The following THEMIS variants were observed in gnomAD, a reference collection of about 807,000 sequenced individuals.
THEMIS encodes thymocyte selection associated.
Under a neutral mutation model 52.6 loss-of-function variants are expected in THEMIS, and 37 were observed. The ratio of observed to expected loss-of-function variants is 0.70; its 90% CI spans 0.54 to 0.93. THEMIS has a LOEUF of 0.93. Among genes scored for constraint, THEMIS ranks in the 40% least tolerant of loss-of-function variants. The probability of loss-of-function intolerance (pLI) is 0.00; values close to 1 mark genes in which losing one functional copy is unlikely to be tolerated. For synonymous variants in THEMIS, 292 were observed against 272.7 expected (o/e 1.07, Z -0.70); for missense variants, 808 against 763.1 (o/e 1.06, Z -0.69).
intron 1 of THEMIS, among the ~76,000 whole-genome samples, chr6:127,870,494 C>T (rs972484691): frequency 1.3e-5 from 2 of 151,970 alleles, no homozygotes; most frequent in Admixed American, 6.6e-5. Context: ...GTAAGCTTTG[C>T]CATATCAATA....
At chr6:127,704,539 A>G (rs552467884), downstream of THEMIS, among the ~76,000 whole-genome samples, 1 of 152,342 alleles carries the variant, frequency 6.6e-6, no homozygotes, top group South Asian at 2.1e-4. Context: ...ATATTTGAAA[A>G]GCTGCTGCCA....
At chr6:127,756,766 T>TA (rs1775840136) in intron 4 of THEMIS, among the ~76,000 whole-genome samples, 1 of 152,224 alleles carries the variant, frequency 6.6e-6, no homozygotes, top group African/African-American at 2.4e-5. Context: ...AAAATGCAAC[T>TA]AGTTTGCCAG....
intron 4 of THEMIS, among the ~76,000 whole-genome samples, chr6:127,772,665 T>C (rs769226247): frequency 1.2e-4 from 18 of 152,128 alleles, no homozygotes; most frequent in Non-Finnish European, 2.2e-4. Flanking sequence ...TGCCAAAGAC[T>C]ACACACTCAA....
At chr6:127,893,684 A>C (rs1300467918) in intron 1 of THEMIS, among the ~76,000 whole-genome samples, 1 of 152,090 alleles carries the variant, frequency 6.6e-6, no homozygotes, top group Admixed American at 6.6e-5. Context: ...TATTCAATCC[A>C]ATACTACAGA....
intron 2 of THEMIS, among the ~76,000 whole-genome samples, chr6:127,831,744 C>T (rs950287024): frequency 6.6e-6 from 1 of 152,122 alleles, no homozygotes; most frequent in African/African-American, 2.4e-5. Context: ...CAAATGCAAC[C>T]TATCCTAAAA....
intron 1 of THEMIS, among the ~76,000 whole-genome samples, chr6:127,898,212 G>A (rs1443227762): frequency 6.6e-6 from 1 of 151,650 alleles, no homozygotes; most frequent in African/African-American, 2.4e-5. Flanking sequence ...CTGTGAAAAT[G>A]ATCAAGGTAT....
At chr6:127,863,689 T>C (rs1779881510) in intron 1 of THEMIS, among the ~76,000 whole-genome samples, 1 of 152,040 alleles carries the variant, frequency 6.6e-6, no homozygotes, top group Non-Finnish European at 1.5e-5. Context: ...ATCCTTGGAG[T>C]TGTGGAACAT....
chr6:127,719,699 G>A lies in THEMIS; in HGVS notation c.1883C>T (p.Thr628Ile), dbSNP rs369312245. 2 of 1,611,180 alleles carry A rather than the reference G, an allele frequency of 1.2e-6. No individual in the cohort carries two copies. Among genetic ancestry groups the A allele is most frequent in the African/African-American group, 2.7e-5 (2 of 74,650 alleles). Residue 628 changes from threonine to isoleucine, a missense_variant, in exon 5 of 6, where the codon ACA becomes ATA. Transcript: ENST00000368248. ...EEKERSNRGA[T>I]AIAETFKNEK... ...AGTCACATCAGTACCTGCTATTGCT[G>A]TGGCCCCACGGTTGCTCCTTTCTTT...
chr6:127,716,904 T>G (rs962617246), intron 5 of THEMIS, among the ~76,000 whole-genome samples: 16 of 151,828 alleles, frequency 1.1e-4, no homozygotes, highest in Non-Finnish European at 2.2e-4. Flanking sequence ...GAGGAATCAG[T>G]GACATCATCA....
At chr6:127,716,937 A>C (rs1187647803) in intron 5 of THEMIS, among the ~76,000 whole-genome samples, 1 of 151,886 alleles carries the variant, frequency 6.6e-6, no homozygotes, top group Non-Finnish European at 1.5e-5. Flanking sequence ...CACCCCCTCC[A>C]TGTTCATAGC....
At chr6:127,835,781 A>T (rs554340575) in intron 2 of THEMIS, among the ~76,000 whole-genome samples, 49 of 152,282 alleles carry the variant, frequency 3.2e-4, no homozygotes, top group African/African-American at 1.1e-3. Flanking sequence ...CACAGATTTC[A>T]CCAGCATGTT....
At chr6:127,754,396 C>T (rs1775750323) in intron 4 of THEMIS, among the ~76,000 whole-genome samples, 1 of 152,150 alleles carries the variant, frequency 6.6e-6, no homozygotes, top group African/African-American at 2.4e-5. Context: ...ACTCAGGCTG[C>T]TGTGGCCTGA....
chr6:127,721,644 C>G (rs1012722169), intron 4 of THEMIS, among the ~76,000 whole-genome samples: 5 of 152,014 alleles, frequency 3.3e-5, no homozygotes, highest in African/African-American at 1.2e-4. Flanking sequence ...AGCTCCTCCA[C>G]AGTCCACAAA....
chr6:127,801,765 C>T (rs1188439132), intron 4 of THEMIS, among the ~76,000 whole-genome samples: 1 of 152,146 alleles, frequency 6.6e-6, no homozygotes, highest in African/African-American at 2.4e-5. Flanking sequence ...GCTCAGGAGC[C>T]ACCCCCAACA....
intron 2 of THEMIS, among the ~76,000 whole-genome samples, chr6:127,852,055 G>A (rs753157981): frequency 6.6e-6 from 1 of 151,540 alleles, no homozygotes; most frequent in Non-Finnish European, 1.5e-5. Flanking sequence ...AAAGATGAGA[G>A]ACCTTGCAAA....
At chr6:127,820,281 A>G (rs1410685025) in intron 3 of THEMIS, among the ~76,000 whole-genome samples, 1 of 152,128 alleles carries the variant, frequency 6.6e-6, no homozygotes, top group Non-Finnish European at 1.5e-5. Flanking sequence ...AAGACATTTT[A>G]TGAAAGGCAT....
chr6:127,900,497 T>G (rs918997261), intron 1 of THEMIS, among the ~76,000 whole-genome samples: 2 of 152,044 alleles, frequency 1.3e-5, no homozygotes, highest in African/African-American at 2.4e-5. Context: ...AATTTTATTT[T>G]TTATATTGTG....
intron 2 of THEMIS, among the ~76,000 whole-genome samples, chr6:127,849,568 A>G (rs1486569573): frequency 2.0e-5 from 3 of 152,024 alleles, no homozygotes; most frequent in East Asian, 3.9e-4. Flanking sequence ...GGAACAGAAT[A>G]CAGAACCCAA....
Position 127,900,999 on chromosome 6 carries a change from T to G in THEMIS, c.-67A>C. The G allele has an allele frequency of 8.0e-7, 1 of 1,243,316 alleles. No individual in the cohort carries two copies. The highest frequency in any genetic ancestry group is 1.2e-6 in the Non-Finnish European group (1 of 844,090). 77.0% of individuals were successfully genotyped at this position (1,243,316 alleles called of 1,614,324 possible). A position where few individuals can be genotyped will look rare whatever the true frequency, so the allele number is the denominator to read the frequency against. On this transcript the variant is annotated 5_prime_UTR_variant, in exon 1 of 6. Coordinates refer to ENST00000368248, the MANE Select transcript of THEMIS (RefSeq NM_001010923.3). Reference sequence around the variant, plus strand: ...ACTTGTGGCTTCTGGGTGACACTTGTCTGCAATTGCAGCCCCTGCTCACCA... The same window carrying G: ...ACTTGTGGCTTCTGGGTGACACTTGGCTGCAATTGCAGCCCCTGCTCACCA...
Sources: gnomAD v4.1 joint callset for allele counts (sites outside exome capture counted in the v4.1 genomes callset) on GRCh38, gnomAD v4.1.1 for gene constraint, MANE v1.5 for transcripts, NCBI Gene and HGNC (gene_info 2026-07-23, HGNC 2026-07-21) for gene names.